The following KCNH6 variants were observed in gnomAD, a reference collection of about 807,000 sequenced individuals.
KCNH6 encodes the protein voltage-gated inwardly rectifying potassium channel KCNH6.
A neutral mutation model predicts 83.4 loss-of-function variants in KCNH6; 81 were observed. The observed-to-expected ratio is 0.97, with a 90% CI of 0.81 to 1.17. The LOEUF (loss-of-function observed/expected upper bound fraction) is 1.17, where lower values mean the gene tolerates loss of function less well. KCNH6 is among the 50% of genes most tolerant of loss of function. KCNH6 has a pLI of 0.00. For missense variants in KCNH6, 1,203 were observed against 1,290.5 expected (o/e 0.93, Z 1.04); for synonymous variants, 503 against 545.6 (o/e 0.92, Z 1.09).
intron 2 of KCNH6, among the ~76,000 whole-genome samples, chr17:63,527,905 G>C (rs1446631822): frequency 6.6e-6 from 1 of 152,160 alleles, no homozygotes; most frequent in Non-Finnish European, 1.5e-5. Context: ...CCACGCACTG[G>C]CACCCCACCC....
rs62077468 is a variant in KCNH6, at chr17:63,545,210, G to A, written c.2529G>A (p.Ser843=). ...SNDLALVPIA[S]ETTSPGPRLP... is the part of the protein sequence containing the mutation. The stretch of plus-strand genomic sequence containing the variant: ...ACCTGGCCTTGGTTCCTATAGCCTC[G>A]GAGACGACGAGTCCAGGGCCCAGGC... The change falls in exon 12 of 13, where the codon TCG becomes TCA. Residue 843 remains serine (S), a synonymous_variant. Coordinates refer to ENST00000314672, the MANE Select transcript of KCNH6 (RefSeq NM_001278919.2). 646 of 1,613,728 alleles carry A rather than the reference G, an allele frequency of 4.0e-4. No individual in the cohort carries two copies. Among genetic ancestry groups the A allele is most frequent in the Non-Finnish European group, 4.1e-4 (483 of 1,180,012 alleles).
At chr17:63,531,361 C>T (rs966552445) in intron 4 of KCNH6, among the ~76,000 whole-genome samples, 2 of 152,250 alleles carry the variant, frequency 1.3e-5, no homozygotes, top group African/African-American at 4.8e-5. Context: ...ACTAAATGGT[C>T]TCTGGGGACC....
intron 2 of KCNH6, among the ~76,000 whole-genome samples, chr17:63,529,431 CTCCCAAACAAGTCCCT>C (rs1391103724): frequency 1.3e-5 from 2 of 152,240 alleles, no homozygotes; most frequent in Non-Finnish European, 2.9e-5. Flanking sequence ...CAGCACTCTC[CTCCCAAACAAGTCCCT>C]TCCCTTTTCC....
At position 63,538,303 on chromosome 17, in the gene KCNH6, G is replaced by GA; in HGVS notation, c.1701+39_1701+40insA. On this transcript the variant is annotated intron_variant, in intron 7 of 12. Coordinates refer to ENST00000314672, the MANE Select transcript of KCNH6 (RefSeq NM_001278919.2). The surrounding 1 kb of genome is among the most constrained non-coding windows in gnomAD (Gnocchi z 4.0). ...CTCCGGCTAATGCCCCGGGCGTGGG[G>GA]GGGAGCCAAGATCCTGCGGGGGCGG... 6.2e-7 allele frequency: 1 copy of GA among 1,612,340 alleles called. No individual in the cohort carries two copies. The highest frequency in any genetic ancestry group is 8.5e-7 in the Non-Finnish European group (1 of 1,179,000).
rs146366289 is a variant in KCNH6 at position 63,538,950 on chromosome 17, A to T, written c.1954+288A>T. Reference sequence around the variant, plus strand: ...GGCTGCCAGTGTGACTCAGAAGCCCAGGCAGGTCTTCCTACCTTCTTGCAC... The same window carrying T: ...GGCTGCCAGTGTGACTCAGAAGCCCTGGCAGGTCTTCCTACCTTCTTGCAC... On this transcript the variant is annotated intron_variant, in intron 8 of 12. Coordinates refer to ENST00000314672, the MANE Select transcript of KCNH6 (RefSeq NM_001278919.2). The surrounding 1 kb of genome is among the most constrained non-coding windows in gnomAD (Gnocchi z 4.0). Among the ~76,000 whole-genome samples the T allele has an allele frequency of 2.6e-5, 4 of 152,288 alleles. No individual in the cohort carries two copies. In the East Asian group the frequency reaches 7.7e-4, roughly 29 times the overall value.
At chr17:63,529,407 C>G (rs2031931816) in intron 2 of KCNH6, among the ~76,000 whole-genome samples, 1 of 152,224 alleles carries the variant, frequency 6.6e-6, no homozygotes, top group Non-Finnish European at 1.5e-5. Flanking sequence ...AGAGCAGCAG[C>G]CTGGTTCTGG....
At chr17:63,531,913 G>T (rs2032141133) in intron 4 of KCNH6, among the ~76,000 whole-genome samples, 1 of 152,198 alleles carries the variant, frequency 6.6e-6, no homozygotes, top group Non-Finnish European at 1.5e-5. Flanking sequence ...CCAGGGAGGT[G>T]CCTGACAGAT....
Position 63,542,363 on chromosome 17 carries a change from G to A in KCNH6, c.2077G>A (p.Val693Met), listed in dbSNP as rs2032913780. The A allele has an allele frequency of 2.5e-6, 4 of 1,614,114 alleles. No individual in the cohort carries two copies. Among genetic ancestry groups the A allele is most frequent in the Non-Finnish European group, 2.5e-6 (3 of 1,180,058 alleles). Residue 693 changes from valine (V) to methionine (M), a missense_variant, in exon 9 of 13, where the codon GTG (valine) becomes ATG (methionine). Coordinates refer to ENST00000314672, the MANE Select transcript of KCNH6 (RefSeq NM_001278919.2). ...GATCCAGCGGGCAGATCTGCTGGAGGTGCTGGACATGTACCCGGCCTTTGC... is the reference window on the plus strand; with the variant it reads ...GATCCAGCGGGCAGATCTGCTGGAGATGCTGGACATGTACCCGGCCTTTGC... ...HKIQRADLLE[V>M]LDMYPAFAES... is the part of the protein sequence containing the mutation.
Position 63,542,320 on chromosome 17 carries a change from C to G in KCNH6, c.2034C>G (p.Thr678=). Residue 678 remains threonine, a synonymous_variant, in exon 9 of 13, where the codon ACC becomes ACG. Transcript: ENST00000314672. ...CCAGTGCAGACGTGCGGGCTCTGAC[C>G]TACTGCGACCTGCACAAGATCCAGC... The part of the protein sequence containing the change: ...GKSSADVRAL[T]YCDLHKIQRA... 1 of 1,614,164 alleles carries G rather than the reference C, an allele frequency of 6.2e-7. No homozygotes were observed. The highest frequency in any genetic ancestry group is 2.2e-5 in the East Asian group (1 of 44,886).
chr17:63,534,461 T>C lies in KCNH6; in HGVS notation c.1101+150T>C, dbSNP rs969928751. 1.7e-5 allele frequency: 13 copies of C among 771,862 alleles called. No homozygotes were observed. Among genetic ancestry groups the C allele is most frequent in the Non-Finnish European group, 2.6e-5 (13 of 492,594 alleles). The allele number at this position is 771,862 out of a possible 1,614,324, so 47.8% of individuals were successfully genotyped here. A position where few individuals can be genotyped will look rare whatever the true frequency, so the allele number is the denominator to read the frequency against. ...GGAGGTGGAGAGGAGGCCCCAAACA[T>C]CTGTCACCTCCCAGCCCTGGAGAAG... On this transcript the variant is annotated intron_variant, in intron 5 of 12. Transcript: ENST00000314672. The surrounding 1 kb of genome is among the most constrained non-coding windows in gnomAD (Gnocchi z 5.0).
rs376925100 is a variant in KCNH6, at chr17:63,544,447, T to C, written c.2396+36T>C. On this transcript the variant is annotated intron_variant, in intron 11 of 12. Transcript: ENST00000314672. ...TGTGGTCAGGGCTGGGGGCTGGTCATGGGTAGCCCCTCCTAGTGGCTCAGA... is the reference window on the plus strand; with the variant it reads ...TGTGGTCAGGGCTGGGGGCTGGTCACGGGTAGCCCCTCCTAGTGGCTCAGA... The C allele has an allele frequency of 1.9e-5, 28 of 1,464,862 alleles. No individual in the cohort carries two copies. In the African/African-American group the frequency reaches 3.7e-4, roughly 19 times the overall value. 90.7% of individuals were successfully genotyped at this position (1,464,862 alleles called of 1,614,324 possible).
At position 63,523,545 on chromosome 17, in the gene KCNH6, G is replaced by A. The variant is rs1475562889; in HGVS notation, c.76+56G>A. 10 of 1,501,396 alleles carry A rather than the reference G, an allele frequency of 6.7e-6. No individual in the cohort carries two copies. In the Admixed American group the frequency reaches 1.8e-4, roughly 27 times the overall value. 93.0% of individuals were successfully genotyped at this position (1,501,396 alleles called of 1,614,324 possible). On this transcript the variant is annotated intron_variant, in intron 1 of 12. Coordinates refer to ENST00000314672, the MANE Select transcript of KCNH6 (RefSeq NM_001278919.2). The surrounding 1 kb of genome is among the most constrained non-coding windows in gnomAD (Gnocchi z 4.2). ...GATCTGGAGTCCTGGTTCCGTGAAA[G>A]GGGGGGCTGGACCCCTTTACTAACT...
At chr17:63,544,971 C>A in intron 11 of KCNH6, 107 bp from the exon 12 acceptor site, 2 of 1,107,406 alleles carry the variant, frequency 1.8e-6, no homozygotes, top group Non-Finnish European at 2.7e-6. Flanking sequence ...AGGCCCCAGG[C>A]CGCCATTCCA....
Position 63,545,985 on chromosome 17 carries a change from G to T in KCNH6, c.*83G>T. Reference sequence around the variant, plus strand: ...TCTTGGGGAGGTGGCCGGGTGCAGTGGCTCGCCTGTAATCCCAGCACTTTG... The same window carrying T: ...TCTTGGGGAGGTGGCCGGGTGCAGTTGCTCGCCTGTAATCCCAGCACTTTG... On this transcript the variant is annotated 3_prime_UTR_variant, in exon 13 of 13. Coordinates refer to ENST00000314672, the MANE Select transcript of KCNH6 (RefSeq NM_001278919.2). 1 of 1,349,846 alleles carries T rather than the reference G, an allele frequency of 7.4e-7. No individual in the cohort carries two copies. The highest frequency in any genetic ancestry group is 1.0e-6 in the Non-Finnish European group (1 of 972,616). 83.6% of individuals were successfully genotyped at this position (1,349,846 alleles called of 1,614,324 possible).
chr17:63,530,961 T>G (rs577898411), intron 4 of KCNH6, among the ~76,000 whole-genome samples: 1 of 152,180 alleles, frequency 6.6e-6, no homozygotes, highest in African/African-American at 2.4e-5. Flanking sequence ...CCCAGCCCTG[T>G]GCCAGCCCTT....
At position 63,533,936 on chromosome 17, in the gene KCNH6, G is replaced by A. The variant is rs200501259; in HGVS notation, c.726G>A (p.Pro242=). The A allele has an allele frequency of 6.4e-5, 104 of 1,613,986 alleles. No individual in the cohort carries two copies. Among genetic ancestry groups the A allele is most frequent in the East Asian group, 5.6e-4 (25 of 44,864 alleles). ...DVLPEYKLQA[P]RIHRWTILHY... ...TGCCGGAGTACAAGCTGCAGGCGCC[G>A]CGCATCCACCGCTGGACCATCCTGC... Residue 242 remains proline (P), a synonymous_variant, in exon 5 of 13, where the codon CCG becomes CCA. Transcript: ENST00000314672. The surrounding 1 kb of genome is among the most constrained non-coding windows in gnomAD (Gnocchi z 4.1).
At chr17:63,532,619 G>A (rs915287820) in intron 4 of KCNH6, among the ~76,000 whole-genome samples, 1 of 152,236 alleles carries the variant, frequency 6.6e-6, no homozygotes, top group African/African-American at 2.4e-5. Context: ...CCCCACTCAA[G>A]GGTTTGGATG....
In KCNH6 at chr17:63,545,079, C is replaced by T; in HGVS notation, c.2398C>T (p.Leu800=). ...TGACTGTGGGGTTCTGTCTGGCAGGCTGGAGTCCCGCGTGTCCTCAGACCT... is the reference window on the plus strand; with the variant it reads ...TGACTGTGGGGTTCTGTCTGGCAGGTTGGAGTCCCGCGTGTCCTCAGACCT... ...LEQLQAQMNR[L]ESRVSSDLSR... Residue 800 remains leucine, a splice_region_variant and synonymous_variant, in exon 12 of 13, where the codon CTG becomes TTG. Coordinates refer to ENST00000314672, the MANE Select transcript of KCNH6 (RefSeq NM_001278919.2). 1 of 1,612,404 alleles carries T rather than the reference C, an allele frequency of 6.2e-7. No individual in the cohort carries two copies.
At chr17:63,542,485 G>C in intron 9 of KCNH6, 51 bp downstream of exon 9, 1 of 1,549,770 alleles carries the variant, frequency 6.5e-7, no homozygotes, top group African/African-American at 1.4e-5. Context: ...CAGGCAGCCT[G>C]CCTGGCCTGA....
Sources: allele counts gnomAD v4.1 joint callset (sites outside exome capture counted in the v4.1 genomes callset), GRCh38; gene constraint gnomAD v4.1.1; non-coding constraint Gnocchi (gnomAD v3.1); transcripts MANE v1.5; gene names NCBI Gene and HGNC (gene_info 2026-07-23, HGNC 2026-07-21).